The following DNAH8 variants were observed in gnomAD, a reference collection of about 807,000 sequenced individuals.
DNAH8 encodes axonemal beta dynein heavy chain 8.
Under a neutral mutation model 562.1 loss-of-function variants are expected in DNAH8, and 382 were observed. The ratio of observed to expected loss-of-function variants is 0.68; its 90% confidence interval spans 0.63 to 0.74. The LOEUF is 0.74. Ranked by LOEUF, DNAH8 falls within the 30% of genes least tolerant of loss-of-function variation. The pLI, the probability that DNAH8 is intolerant of heterozygous loss-of-function variation, is 0.00. For synonymous variants in DNAH8, 1,881 were observed against 1,919.4 expected (o/e 0.98, Z 0.52); for missense variants, 5,203 against 5,620.4 (o/e 0.93, Z 2.37).
chr6:38,870,902 G>A (rs745510199), intron 49 of DNAH8, among the ~76,000 whole-genome samples: 1 of 152,208 alleles, frequency 6.6e-6, no homozygotes, highest in Non-Finnish European at 1.5e-5. Context: ...GCAGCTGGGT[G>A]CCTCAGTGGA....
intron 81 of DNAH8, 84 bp downstream of exon 81, chr6:38,949,654 T>A (rs1761722702): frequency 2.5e-6 from 2 of 797,770 alleles, no homozygotes; most frequent in Non-Finnish European, 4.1e-6. Flanking sequence ...TTTACTTCAC[T>A]ATATCACTGT....
intron 18 of DNAH8, among the ~76,000 whole-genome samples, chr6:38,789,396 T>G (rs148518317): frequency 2.3e-4 from 35 of 152,300 alleles, no homozygotes; most frequent in African/African-American, 8.4e-4. Context: ...ATTCTGTTTG[T>G]GTGGAAAAGC....
chr6:38,947,182 A>T (rs918256599), intron 80 of DNAH8, among the ~76,000 whole-genome samples: 4 of 152,142 alleles, frequency 2.6e-5, no homozygotes, highest in Non-Finnish European at 5.9e-5. Context: ...ATCATGAGTT[A>T]TTTCTCTCCC....
At chr6:38,893,246 C>T (rs1209699828) in intron 58 of DNAH8, among the ~76,000 whole-genome samples, 1 of 152,204 alleles carries the variant, frequency 6.6e-6, no homozygotes, top group Non-Finnish European at 1.5e-5. Flanking sequence ...AATCTCCCAT[C>T]TTCACAAAGC....
chr6:38,935,519 C>A, intron 76 of DNAH8, 73 bp from the exon 77 acceptor site: 2 of 1,006,012 alleles, frequency 2.0e-6, no homozygotes, highest in Non-Finnish European at 3.0e-6. Flanking sequence ...TGTTAATAAA[C>A]ACTAGTGAGT....
rs368175394 is a variant in DNAH8, at chr6:38,894,697, C to G, written c.8584-4C>G. 3.7e-6 allele frequency: 6 copies of G among 1,609,650 alleles called. No individual in the cohort carries two copies. The highest frequency in any genetic ancestry group is 3.3e-5 in the South Asian group (3 of 90,382). Reference sequence around the variant, plus strand: ...CTGAGAGTATTACATTTTTTCATCTCTAGGTGAAGATGCTGCCAACTCCTT... The same window carrying G: ...CTGAGAGTATTACATTTTTTCATCTGTAGGTGAAGATGCTGCCAACTCCTT... On this transcript the variant is annotated splice_region_variant and splice_polypyrimidine_tract_variant and intron_variant, in intron 58 of 92. Coordinates refer to ENST00000327475, the MANE Select transcript of DNAH8 (RefSeq NM_001206927.2).
Position 38,803,199 on chromosome 6 carries a change from T to C in DNAH8, c.2922T>C (p.Ala974=). The stretch of plus-strand genomic sequence containing the variant: ...AACAGACATACACAAAAGAATGGGC[T>C]GACATTCTAAACCACAAAAGTAAGC... ...TLNETYTKEW[A]DILNHKSKHV... Residue 974 remains alanine, a synonymous_variant, in exon 22 of 93, where the codon GCT becomes GCC. Coordinates refer to ENST00000327475, the MANE Select transcript of DNAH8 (RefSeq NM_001206927.2). The C allele has an allele frequency of 6.2e-7, 1 of 1,602,116 alleles. No homozygotes were observed. The highest frequency in any genetic ancestry group is 1.1e-5 in the South Asian group (1 of 87,868).
chr6:38,967,380 A>G (rs1216411238), intron 82 of DNAH8, among the ~76,000 whole-genome samples: 2 of 152,156 alleles, frequency 1.3e-5, no homozygotes, highest in African/African-American at 4.8e-5. Context: ...GTGCATAAAA[A>G]ATTATAAGTT....
chr6:38,721,406 C>G (rs1762740192), intron 1 of DNAH8, among the ~76,000 whole-genome samples: 1 of 152,062 alleles, frequency 6.6e-6, no homozygotes, highest in Non-Finnish European at 1.5e-5. Flanking sequence ...ACTTGGGAGG[C>G]TGAGGTGGGA....
At chr6:38,815,421 G>T (rs752127757) in intron 25 of DNAH8, 47 bp from the exon 26 acceptor site, 2 of 1,476,808 alleles carry the variant, frequency 1.4e-6, no homozygotes, top group Non-Finnish European at 1.9e-6. Flanking sequence ...TTGAGGGATG[G>T]ACTGTATGTG....
chr6:38,866,560 A>C (rs781729817), intron 45 of DNAH8, 31 bp from the exon 46 acceptor site: 1 of 1,449,904 alleles, frequency 6.9e-7, no homozygotes, highest in Non-Finnish European at 9.5e-7. Context: ...TTGTTTTAGC[A>C]ATTAAAAATT....
At chr6:38,956,403 T>C (rs1490971252) in intron 82 of DNAH8, among the ~76,000 whole-genome samples, 2 of 152,206 alleles carry the variant, frequency 1.3e-5, no homozygotes, top group Admixed American at 6.5e-5. Flanking sequence ...TCAGCTCCAG[T>C]TCCTCCTGCT....
intron 48 of DNAH8, among the ~76,000 whole-genome samples, chr6:38,869,927 A>G (rs1484097330): frequency 6.6e-6 from 1 of 152,192 alleles, no homozygotes; most frequent in African/African-American, 2.4e-5. Flanking sequence ...GTTAATAAAG[A>G]CAATTTATAA....
At chr6:38,874,379 T>C (rs1777828456) in intron 52 of DNAH8, among the ~76,000 whole-genome samples, 2 of 148,200 alleles carry the variant, frequency 1.3e-5, no homozygotes, top group South Asian at 4.4e-4. Context: ...TTTTCTTTCT[T>C]TTCTTTCAAC....
chr6:38,924,395 C>T (rs1781945964), intron 73 of DNAH8, among the ~76,000 whole-genome samples: 1 of 151,920 alleles, frequency 6.6e-6, no homozygotes, highest in Admixed American at 6.6e-5. Flanking sequence ...GCCTGTAATC[C>T]TAGCTACTCA....
At chr6:38,748,328 G>A (rs1237253309) in intron 8 of DNAH8, among the ~76,000 whole-genome samples, 1 of 152,160 alleles carries the variant, frequency 6.6e-6, no homozygotes, top group Non-Finnish European at 1.5e-5. Flanking sequence ...ATGACATTGA[G>A]GAGGGAGGGA....
Position 39,007,840 on chromosome 6 carries a change from C to T in DNAH8, c.13215-974C>T, listed in dbSNP as rs542289733. Among the ~76,000 whole-genome samples the T allele has an allele frequency of 1.4e-4, 21 of 152,000 alleles. No homozygotes were observed. In the South Asian group the frequency reaches 4.2e-3, roughly 30 times the overall value. The stretch of plus-strand genomic sequence containing the variant: ...GACCTGTTCATCCTTCTGGTCTCAG[C>T]TTACATGTGACTTTTTAACTTTTAC... On this transcript the variant is annotated intron_variant, in intron 88 of 92. Coordinates refer to ENST00000327475, the MANE Select transcript of DNAH8 (RefSeq NM_001206927.2).
chr6:38,875,037 G>A (rs1777889912), intron 52 of DNAH8, among the ~76,000 whole-genome samples: 1 of 152,156 alleles, frequency 6.6e-6, no homozygotes, highest in Non-Finnish European at 1.5e-5. Flanking sequence ...TTTAGGCTTT[G>A]CACAACTCTC....
At chr6:38,839,671 T>A (rs927828972) in intron 33 of DNAH8, among the ~76,000 whole-genome samples, 1 of 152,086 alleles carries the variant, frequency 6.6e-6, no homozygotes, top group Non-Finnish European at 1.5e-5. Context: ...AAGCACTTTT[T>A]TTTTTTTTGA....
Sources: allele counts gnomAD v4.1 joint callset (sites outside exome capture counted in the v4.1 genomes callset), GRCh38; gene constraint gnomAD v4.1.1; transcripts MANE v1.5; gene names NCBI Gene and HGNC (gene_info 2026-07-23, HGNC 2026-07-21).